SLC25A30: variants seen among roughly 807,000 people sequenced by gnomAD.
SLC25A30 encodes the protein kidney mitochondrial carrier protein 1.
Under a neutral mutation model 42.7 loss-of-function variants are expected in SLC25A30, and 29 were observed. That is an observed-to-expected ratio of 0.68 (90% CI 0.51 to 0.93). The LOEUF (loss-of-function observed/expected upper bound fraction) is 0.93. Among genes scored for constraint, SLC25A30 ranks in the 40% least tolerant of loss-of-function variants. SLC25A30 has a pLI of 0.00. For synonymous variants in SLC25A30, 124 were observed against 131.0 expected, an observed-to-expected ratio of 0.95 and a Z score of 0.37; for missense variants, 300 against 359.7, an observed-to-expected ratio of 0.83 and a Z score of 1.34.
chr13:45,424,276 T>G, the SLC25A30 span, among the ~76,000 whole-genome samples: 1 of 2,262 alleles, frequency 4.4e-4, no homozygotes, highest in African/African-American at 1.2e-3. Context: ...TATAAATATA[T>G]AAATATATAT....
chr13:45,412,767 T>G (rs138771993), intron 1 of SLC25A30, among the ~76,000 whole-genome samples: 1 of 152,238 alleles, frequency 6.6e-6, no homozygotes, highest in South Asian at 2.1e-4. Flanking sequence ...CATGTACTTA[T>G]GTGCCACAGC....
the SLC25A30 span, among the ~76,000 whole-genome samples, chr13:45,423,856 A>G: frequency 4.1e-5 from 3 of 73,408 alleles, no homozygotes; most frequent in South Asian, 1.3e-3. Context: ...GTAAATATAT[A>G]TATAAATATA....
chr13:45,423,775 T>A, the SLC25A30 span, among the ~76,000 whole-genome samples: 863 of 58,550 alleles, frequency 0.015, 142 homozygotes, highest in Non-Finnish European at 0.021. Context: ...TAAAAATATA[T>A]AAATATATAA....
Position 45,408,961 on chromosome 13 carries a change from C to G in SLC25A30, c.178G>C (p.Gly60Arg), listed in dbSNP as rs1159244916. The change falls in exon 3 of 10, where the codon GGC (glycine) becomes CGC (arginine). Residue 60 changes from glycine to arginine, a missense_variant. Coordinates refer to ENST00000519676, the MANE Select transcript of SLC25A30 (RefSeq NM_001010875.4). ...AGTGCTTTCAGCCCTTCTTCTCTGCCTATCCTCACTAATGCGTGCAACATT... is the reference window on the plus strand; with the variant it reads ...AGTGCTTTCAGCCCTTCTTCTCTGCGTATCCTCACTAATGCGTGCAACATT... ...RGMLHALVRI[G>R]REEGLKALYS... is the part of the protein sequence containing the mutation. The G allele has an allele frequency of 1.2e-6, 2 of 1,612,672 alleles. No homozygotes were observed.
intron 2 of SLC25A30, among the ~76,000 whole-genome samples, chr13:45,410,897 C>T (rs1882956152): frequency 6.6e-6 from 1 of 152,200 alleles, no homozygotes; most frequent in African/African-American, 2.4e-5. Flanking sequence ...CTGCTAATAG[C>T]AGCCAAAATG....
intron 6 of SLC25A30, among the ~76,000 whole-genome samples, chr13:45,402,059 C>CAAAAAAAAAA (rs66565783): frequency 1.2e-5 from 1 of 83,916 alleles, no homozygotes; most frequent in South Asian, 4.5e-4. Flanking sequence ...GACTCCATCT[C>CAAAAAAAAAA]AAAAAAAAAA....
intron 3 of SLC25A30, among the ~76,000 whole-genome samples, chr13:45,407,172 T>C (rs1416986329): frequency 6.6e-6 from 1 of 151,852 alleles, no homozygotes; most frequent in African/African-American, 2.4e-5. Context: ...CCGAGACGGG[T>C]GGATCACTTG....
chr13:45,409,626 T>C (rs1224563147), intron 2 of SLC25A30, among the ~76,000 whole-genome samples: 2 of 152,022 alleles, frequency 1.3e-5, no homozygotes, highest in Non-Finnish European at 2.9e-5. Flanking sequence ...CTGGCCAACA[T>C]GGTGAAACCC....
upstream of SLC25A30, among the ~76,000 whole-genome samples, chr13:45,422,631 C>T (rs190369756): frequency 7.2e-5 from 11 of 152,204 alleles, no homozygotes; most frequent in East Asian, 5.8e-4. Context: ...TGCTGCTAAA[C>T]GTTCAACAAT....
the SLC25A30 span, among the ~76,000 whole-genome samples, chr13:45,424,642 CATAAATATAT>C: frequency 6.8e-5 from 2 of 29,536 alleles, no homozygotes; most frequent in East Asian, 8.1e-4. Context: ...TGTATATAAA[CATAAATATAT>C]ATAAATATAT....
chr13:45,411,383 C>T lies in SLC25A30; in HGVS notation c.43G>A (p.Ala15Thr). Residue 15 changes from alanine to threonine, a missense_variant, in exon 2 of 10, where the codon GCC becomes ACC. By Grantham distance (58) the Ala-to-Thr change is moderately conservative. Transcript: ENST00000519676. Reference protein sequence around the residue: ...NWKPFVYGGLASITAECGTFP... With the variant: ...NWKPFVYGGLTSITAECGTFP... ...TTACCGCACTCAGCAGTGATGGAGG[C>T]CAGCCCCCCGTACACAAACGGCTTC... 6.2e-7 allele frequency: 1 copy of T among 1,614,052 alleles called. No homozygotes were observed. The highest frequency in any genetic ancestry group is 8.5e-7 in the Non-Finnish European group (1 of 1,179,924).
At chr13:45,431,916 T>G in the SLC25A30 span, among the ~76,000 whole-genome samples, 2 of 152,130 alleles carry the variant, frequency 1.3e-5, no homozygotes, top group African/African-American at 2.4e-5. Flanking sequence ...TCATCTTTAA[T>G]TTTTCCTTTG....
intron 1 of SLC25A30, among the ~76,000 whole-genome samples, chr13:45,415,179 T>C (rs1163354989): frequency 6.6e-6 from 1 of 152,204 alleles, no homozygotes; most frequent in Non-Finnish European, 1.5e-5. Flanking sequence ...ATACATTTTC[T>C]TCACAGTCCT....
chr13:45,417,093 A>G (rs1340419352), intron 1 of SLC25A30, among the ~76,000 whole-genome samples: 1 of 152,156 alleles, frequency 6.6e-6, no homozygotes, highest in Non-Finnish European at 1.5e-5. Flanking sequence ...GGCTCACTGC[A>G]ACCTCCGTCT....
chr13:45,401,694 AAAC>A (rs777051264), intron 6 of SLC25A30, among the ~76,000 whole-genome samples: 5 of 152,042 alleles, frequency 3.3e-5, no homozygotes, highest in Non-Finnish European at 5.9e-5. Context: ...GCAAAAGACC[AAAC>A]AACAACAAAA....
In SLC25A30 at chr13:45,393,354, T is replaced by G; in HGVS notation, c.*2620A>C. 1.0e-6 allele frequency: 1 copy of G among 973,224 alleles called. No homozygotes were observed. Among genetic ancestry groups the G allele is most frequent in the South Asian group, 4.8e-5 (1 of 21,002 alleles). The allele number at this position is 973,224 out of a possible 1,614,324, so 60.3% of individuals were successfully genotyped here. On this transcript the variant is annotated 3_prime_UTR_variant, in exon 10 of 10. Coordinates refer to ENST00000519676, the MANE Select transcript of SLC25A30 (RefSeq NM_001010875.4). ...ATATTACTCCAGTTTATTAAATAAA[T>G]GAAACAAGGCTTATGCCACATATTC...
At chr13:45,423,968 C>CATATATAAATATATATCAAT in the SLC25A30 span, among the ~76,000 whole-genome samples, 17 of 77,634 alleles carry the variant, frequency 2.2e-4, no homozygotes, top group Admixed American at 2.3e-4. Context: ...TATATATAAA[C>CATATATAAATATATATCAAT]ATATAACAAT....
At position 45,400,014 on chromosome 13, in the gene SLC25A30, T is replaced by TTATATA. The variant is rs1322955547; in HGVS notation, c.615-942_615-937dup. The stretch of plus-strand genomic sequence containing the variant: ...TTGCCCACCAATGGATTATGTATGA[T>TTATATA]TATATATATATATATATATACACAC... On this transcript the variant is annotated intron_variant, in intron 7 of 9. Transcript: ENST00000519676. Among the ~76,000 whole-genome samples the TTATATA allele has an allele frequency of 8.4e-3, 741 of 88,550 alleles. 2 individuals carry two copies. The highest frequency in any genetic ancestry group is 0.016 in the African/African-American group (360 of 22,934). The allele number at this position is 88,550 out of a possible 152,430, so 58.1% of individuals were successfully genotyped here.
In SLC25A30 at chr13:45,395,886, A is replaced by T; in HGVS notation, c.*88T>A. ...ACATCCCAGAATCTGTGATGAGCCA[A>T]GCAGTGAGAAGCAGAGTGAAACACA... On this transcript the variant is annotated 3_prime_UTR_variant, in exon 10 of 10. Coordinates refer to ENST00000519676, the MANE Select transcript of SLC25A30 (RefSeq NM_001010875.4). 6.2e-7 allele frequency: 1 copy of T among 1,612,552 alleles called. No homozygotes were observed. The highest frequency in any genetic ancestry group is 8.5e-7 in the Non-Finnish European group (1 of 1,179,378).
Sources: gnomAD v4.1 joint callset for allele counts (sites outside exome capture counted in the v4.1 genomes callset) on GRCh38, gnomAD v4.1.1 for gene constraint, MANE v1.5 for transcripts, NCBI Gene and HGNC (gene_info 2026-07-23, HGNC 2026-07-21) for gene names.